TMCO5A: variants seen among roughly 807,000 people sequenced by gnomAD.
TMCO5A encodes transmembrane and coiled-coil domain-containing protein 5A.
In TMCO5A, 34 loss-of-function variants were observed where a neutral mutation model predicts 42.3. That is an observed-to-expected ratio of 0.80 (90% CI 0.61 to 1.07). The LOEUF is 1.07. Among genes scored for constraint, TMCO5A ranks in the 50% least tolerant of loss-of-function variants. TMCO5A has a pLI of 0.00. For synonymous variants in TMCO5A, 131 were observed against 115.6 expected (o/e 1.13, Z -0.86); for missense variants, 357 against 327.9 (o/e 1.09, Z -0.69).
the TMCO5A span, among the ~76,000 whole-genome samples, chr15:38,014,549 T>C: frequency 6.6e-6 from 1 of 152,150 alleles, no homozygotes; most frequent in Non-Finnish European, 1.5e-5. Flanking sequence ...AATCTCTCTG[T>C]AGCTACTTCA....
the TMCO5A span, among the ~76,000 whole-genome samples, chr15:38,039,384 T>G: frequency 6.6e-6 from 1 of 152,238 alleles, no homozygotes; most frequent in African/African-American, 2.4e-5. Context: ...ATAAGCTATA[T>G]TAGGGCATGG....
chr15:38,029,860 T>C, the TMCO5A span, among the ~76,000 whole-genome samples: 1 of 152,186 alleles, frequency 6.6e-6, no homozygotes, highest in Non-Finnish European at 1.5e-5. Flanking sequence ...ACAGGAGGCT[T>C]TCATACCATT....
the TMCO5A span, among the ~76,000 whole-genome samples, chr15:38,036,345 T>A: frequency 3.3e-5 from 5 of 152,140 alleles, no homozygotes; most frequent in Non-Finnish European, 7.4e-5. Context: ...ATGTAAATAT[T>A]CTGTTTTAGG....
rs189914417 is a variant in TMCO5A at position 37,957,042 on chromosome 15, C to T, written c.668+9346C>T. Among the ~76,000 whole-genome samples, 4 of 152,108 alleles carry T rather than the reference C, an allele frequency of 2.6e-5. No homozygotes were observed. The East Asian group carries it at 7.7e-4, about 29-fold the overall frequency. On this transcript the variant is annotated intron_variant, in intron 11 of 11. Transcript: ENST00000559502. ...AAGGTTTTCGACAAAATTCAACAGC[C>T]CTTCATGCTAAAAACTCTCAATAAA...
chr15:37,941,153 A>G lies in TMCO5A; in HGVS notation c.392A>G (p.Lys131Arg). The G allele has an allele frequency of 6.2e-7, 1 of 1,613,170 alleles. No individual in the cohort carries two copies. The highest frequency in any genetic ancestry group is 8.5e-7 in the Non-Finnish European group (1 of 1,179,520). Residue 131 changes from lysine (K) to arginine (R), a missense_variant, in exon 7 of 12, where the codon AAG becomes AGG. Transcript: ENST00000319669. ...AGTCTCTTTTGCTTTCTTTAGGTTA[A>G]GTTACAACAGCTGGAAGCTTCCTAT... Reference protein sequence around the residue: ...PDGALEETKVKLQQLEASYAC... With the variant: ...PDGALEETKVRLQQLEASYAC...
downstream of TMCO5A, among the ~76,000 whole-genome samples, chr15:37,968,964 A>G (rs2140828674): frequency 6.6e-6 from 1 of 152,358 alleles, no homozygotes; most frequent in South Asian, 2.1e-4. Flanking sequence ...AAAGGAAGAA[A>G]AAGAATATTT....
chr15:37,964,903 A>C (rs1041135944), intron 11 of TMCO5A, among the ~76,000 whole-genome samples: 13 of 152,098 alleles, frequency 8.5e-5, no homozygotes, highest in African/African-American at 3.1e-4. Context: ...ACATAAATTT[A>C]AAAAAACTAT....
chr15:37,975,385 T>TAATCCCAG, the TMCO5A span, among the ~76,000 whole-genome samples: 4 of 144,956 alleles, frequency 2.8e-5, no homozygotes, highest in African/African-American at 1.1e-4. Flanking sequence ...TCTTTGTAGG[T>TAATCCCAG]CTTTAAGAAA....
the TMCO5A span, among the ~76,000 whole-genome samples, chr15:38,001,069 G>C: frequency 3.9e-5 from 6 of 152,160 alleles, no homozygotes; most frequent in Admixed American, 2.0e-4. Context: ...TTCAGTCTAG[G>C]AGATATGTCC....
At chr15:38,009,549 T>G in the TMCO5A span, among the ~76,000 whole-genome samples, 1 of 152,224 alleles carries the variant, frequency 6.6e-6, no homozygotes, top group East Asian at 1.9e-4. Flanking sequence ...TTGGGAACTC[T>G]AAAGATACCA....
the TMCO5A span, among the ~76,000 whole-genome samples, chr15:38,037,202 TA>T: frequency 1.3e-5 from 2 of 152,174 alleles, no homozygotes; most frequent in South Asian, 4.1e-4. Flanking sequence ...GGGCTAATGC[TA>T]TGAAAATGAC....
downstream of TMCO5A, among the ~76,000 whole-genome samples, chr15:37,954,869 G>C (rs1890246978): frequency 6.6e-6 from 1 of 151,986 alleles, no homozygotes. Flanking sequence ...GTAATGTTAA[G>C]TTGTTATTAG....
At chr15:37,953,599 G>A (rs76987065), downstream of TMCO5A, among the ~76,000 whole-genome samples, 10 of 151,876 alleles carry the variant, frequency 6.6e-5, no homozygotes, top group South Asian at 4.2e-4. Flanking sequence ...AGTAGAATGG[G>A]TACAAACGAG....
At chr15:38,028,823 C>A in the TMCO5A span, among the ~76,000 whole-genome samples, 1 of 152,152 alleles carries the variant, frequency 6.6e-6, no homozygotes, top group African/African-American at 2.4e-5. Context: ...TGCAAAGGAT[C>A]TCCAGTGCAC....
the TMCO5A span, among the ~76,000 whole-genome samples, chr15:38,010,312 C>T: frequency 1.4e-5 from 2 of 140,134 alleles, no homozygotes; most frequent in East Asian, 4.4e-4. Context: ...GGAGGCGGAG[C>T]TTGGGTGAGC....
At chr15:37,946,543 G>A (rs569306492) in intron 10 of TMCO5A, among the ~76,000 whole-genome samples, 12 of 152,074 alleles carry the variant, frequency 7.9e-5, no homozygotes, top group East Asian at 7.7e-4. Context: ...TTCTTTCAGC[G>A]ATGGTTTGTA....
At chr15:37,981,755 A>G in the TMCO5A span, among the ~76,000 whole-genome samples, 1 of 152,232 alleles carries the variant, frequency 6.6e-6, no homozygotes, top group African/African-American at 2.4e-5. Context: ...TTTATGTAGC[A>G]TGAGGTTACA....
chr15:38,009,127 C>A, the TMCO5A span, among the ~76,000 whole-genome samples: 5 of 152,310 alleles, frequency 3.3e-5, no homozygotes, highest in South Asian at 1.0e-3. Context: ...ATGGCAAATG[C>A]TGAACAGATC....
At chr15:37,978,957 C>T in the TMCO5A span, among the ~76,000 whole-genome samples, 2 of 151,778 alleles carry the variant, frequency 1.3e-5, no homozygotes, top group African/African-American at 4.8e-5. Flanking sequence ...TTGCCACACA[C>T]TTTTTAAAAA....
Sources: gnomAD v4.1 joint callset for allele counts (sites outside exome capture counted in the v4.1 genomes callset) on GRCh38, gnomAD v4.1.1 for gene constraint, MANE v1.5 for transcripts, NCBI Gene and HGNC (gene_info 2026-07-23, HGNC 2026-07-21) for gene names.